PTPRR: variants seen among roughly 807,000 people sequenced by gnomAD.
The protein encoded by PTPRR is protein tyrosine phosphatase receptor type R.
A neutral mutation model predicts 77.2 loss-of-function variants in PTPRR; 38 were observed. The observed-to-expected ratio is 0.49, with a 90% CI of 0.38 to 0.65. The LOEUF is 0.65. PTPRR is among the 30% of genes least tolerant of loss of function. PTPRR has a pLI of 0.00. For missense variants in PTPRR, 744 were observed against 799.2 expected (o/e 0.93, Z 0.83); for synonymous variants, 299 against 283.1 (o/e 1.06, Z -0.57).
chr12:70,735,446 G>T (rs552390292), intron 6 of PTPRR, among the ~76,000 whole-genome samples: 1 of 152,092 alleles, frequency 6.6e-6, no homozygotes, highest in Non-Finnish European at 1.5e-5. Context: ...ATCAGATCTC[G>T]TGAGACTTAT....
rs375442797 is a variant in PTPRR at position 70,801,392 on chromosome 12, TG to T, written c.358-36615del. ...GAATTGAAAAATGAGTAAATAAGAT[TG>T]CCTCCCCATTGTGGGTTGGCTTCTT... On this transcript the variant is annotated intron_variant, in intron 2 of 13. Coordinates refer to ENST00000283228, the MANE Select transcript of PTPRR (RefSeq NM_002849.4). Among the ~76,000 whole-genome samples, 479 of 152,292 alleles carry T rather than the reference TG, an allele frequency of 3.1e-3. 1 individual carries two copies. The highest frequency in any genetic ancestry group is 0.011 in the African/African-American group (456 of 41,558).
intron 6 of PTPRR, among the ~76,000 whole-genome samples, chr12:70,706,655 T>C (rs1888630468): frequency 6.6e-6 from 1 of 152,060 alleles, no homozygotes; most frequent in African/African-American, 2.4e-5. Context: ...CTTTTATATG[T>C]GTATAGGACA....
At chr12:70,733,479 A>AAAAAAAAAAAAAAAAAAAAAAAAAAATT (rs1889753835) in intron 6 of PTPRR, among the ~76,000 whole-genome samples, 3 of 89,394 alleles carry the variant, frequency 3.4e-5, no homozygotes, top group African/African-American at 5.6e-5. Flanking sequence ...GCAAAAAAAA[A>AAAAAAAAAAAAAAAAAAAAAAAAAAATT]AAGAAAAAAA....
chr12:70,644,055 C>T (rs1886108067), intron 13 of PTPRR, among the ~76,000 whole-genome samples: 1 of 144,560 alleles, frequency 6.9e-6, no homozygotes, highest in Non-Finnish European at 1.5e-5. Context: ...CTTTCCAATA[C>T]AGTACCTGAA....
At chr12:70,779,225 C>T (rs7958421) in intron 2 of PTPRR, among the ~76,000 whole-genome samples, 50,797 of 150,642 alleles carry the variant, frequency 0.34, 9,849 homozygotes, top group African/African-American at 0.53. Context: ...AATCCTGCAA[C>T]AACTTTCTAT....
intron 1 of PTPRR, among the ~76,000 whole-genome samples, chr12:70,906,283 A>G (rs560833803): frequency 3.9e-5 from 6 of 152,164 alleles, no homozygotes; most frequent in African/African-American, 1.4e-4. Flanking sequence ...AATATATTTC[A>G]GTAAAAAAGA....
At chr12:70,884,176 C>G (rs1893196527) in intron 2 of PTPRR, among the ~76,000 whole-genome samples, 1 of 152,198 alleles carries the variant, frequency 6.6e-6, no homozygotes, top group Admixed American at 6.5e-5. Flanking sequence ...CACGTTGCTT[C>G]TACCACCTGA....
intron 2 of PTPRR, among the ~76,000 whole-genome samples, chr12:70,882,362 A>T (rs564039826): frequency 6.6e-6 from 1 of 152,248 alleles, no homozygotes; most frequent in South Asian, 2.1e-4. Context: ...TCTGTATCCT[A>T]AGTCACTACC....
At chr12:70,762,688 C>T (rs1890721045) in intron 3 of PTPRR, among the ~76,000 whole-genome samples, 1 of 152,162 alleles carries the variant, frequency 6.6e-6, no homozygotes, top group Non-Finnish European at 1.5e-5. Context: ...GCTCAAAACA[C>T]CGCTAAGCGA....
chr12:70,860,777 C>T (rs961995202), intron 2 of PTPRR, among the ~76,000 whole-genome samples: 3 of 152,080 alleles, frequency 2.0e-5, no homozygotes, highest in Non-Finnish European at 4.4e-5. Flanking sequence ...GATAAAAAAG[C>T]ATTTACTTAA....
At chr12:70,823,288 C>G (rs915268112) in intron 2 of PTPRR, among the ~76,000 whole-genome samples, 1 of 152,146 alleles carries the variant, frequency 6.6e-6, no homozygotes, top group Non-Finnish European at 1.5e-5. Context: ...TGGCAGGCTC[C>G]TGAAACACAT....
intron 2 of PTPRR, among the ~76,000 whole-genome samples, chr12:70,773,399 C>T (rs1891022589): frequency 6.6e-6 from 1 of 152,106 alleles, no homozygotes; most frequent in South Asian, 2.1e-4. Context: ...GACCAAGAAC[C>T]TTAGTAATTT....
At chr12:70,650,849 T>C (rs1254397085) in intron 13 of PTPRR, among the ~76,000 whole-genome samples, 2 of 152,152 alleles carry the variant, frequency 1.3e-5, no homozygotes, top group Non-Finnish European at 1.5e-5. Context: ...AAACACTCAT[T>C]CCATTCTAAA....
At chr12:70,876,364 A>C (rs1893051871) in intron 2 of PTPRR, among the ~76,000 whole-genome samples, 1 of 152,218 alleles carries the variant, frequency 6.6e-6, no homozygotes, top group East Asian at 1.9e-4. Context: ...AACATAAAAC[A>C]CATACACAAA....
At chr12:70,703,655 G>C (rs1465375766) in intron 6 of PTPRR, among the ~76,000 whole-genome samples, 1 of 152,258 alleles carries the variant, frequency 6.6e-6, no homozygotes, top group African/African-American at 2.4e-5. Flanking sequence ...TTAATATTTA[G>C]GGCATTTGTG....
At chr12:70,919,939 G>T (rs4595639) in intron 1 of PTPRR, among the ~76,000 whole-genome samples, 67,647 of 151,476 alleles carry the variant, frequency 0.45, 16,230 homozygotes, top group African/African-American at 0.63. Context: ...GAGACCTTAT[G>T]AATGTAGTAG....
chr12:70,641,629 A>T (rs1386666461), intron 13 of PTPRR, among the ~76,000 whole-genome samples: 1 of 152,084 alleles, frequency 6.6e-6, no homozygotes, highest in African/African-American at 2.4e-5. Context: ...AAGTTCTCTT[A>T]CCTCCCACTT....
At chr12:70,725,542 T>A (rs1405740305) in intron 6 of PTPRR, among the ~76,000 whole-genome samples, 4 of 152,124 alleles carry the variant, frequency 2.6e-5, no homozygotes, top group Middle Eastern at 3.2e-3. Flanking sequence ...CAGCAAAGAA[T>A]TTAGCACATG....
rs1244479401 is a variant in PTPRR at position 70,892,960 on chromosome 12, T to C, written c.76A>G (p.Asn26Asp). The change falls in exon 2 of 14, where the codon AAT becomes GAT. Residue 26 changes from asparagine to aspartate, a missense_variant. By Grantham distance (23) the Asn-to-Asp change is conservative. Transcript: ENST00000283228. ...LHAAGCFSGN[N>D]DHFLAINQKK... ...TGATTAATTGCCAAAAAATGATCATTGTTTCCTGAAAAGCACCCTGAAAGA... is the reference window on the plus strand; with the variant it reads ...TGATTAATTGCCAAAAAATGATCATCGTTTCCTGAAAAGCACCCTGAAAGA... 3 of 1,612,558 alleles carry C rather than the reference T, an allele frequency of 1.9e-6. No individual in the cohort carries two copies. The African/African-American group carries it at 4.0e-5, about 22-fold the overall frequency.
Sources: gnomAD v4.1 joint callset for allele counts (sites outside exome capture counted in the v4.1 genomes callset) on GRCh38, gnomAD v4.1.1 for gene constraint, MANE v1.5 for transcripts, NCBI Gene and HGNC (gene_info 2026-07-23, HGNC 2026-07-21) for gene names.